The following SPATS2L variants were observed in gnomAD, a reference collection of about 807,000 sequenced individuals.
The protein encoded by SPATS2L is spermatogenesis associated serine rich 2 like, also known as SPATS2-like protein.
In SPATS2L, 30 loss-of-function variants were observed where a neutral mutation model predicts 59.6. The observed-to-expected ratio is 0.50, with a 90% CI of 0.38 to 0.68. The LOEUF is 0.68. Ranked by LOEUF, SPATS2L falls within the 30% of genes least tolerant of loss-of-function variation. The probability of loss-of-function intolerance (pLI) is 0.00; values close to 1 mark genes in which losing one functional copy is unlikely to be tolerated. For synonymous variants in SPATS2L, 252 were observed against 263.5 expected (o/e 0.96, Z 0.42); for missense variants, 615 against 700.0 (o/e 0.88, Z 1.37).
intron 10 of SPATS2L, among the ~76,000 whole-genome samples, chr2:200,467,848 T>A (rs1033184467): frequency 2.0e-5 from 3 of 152,202 alleles, no homozygotes; most frequent in African/African-American, 7.2e-5. Context: ...ATTTTCTAGT[T>A]TAGTTGCATT....
intron 1 of SPATS2L, chr2:200,308,753 A>G (rs888136271): frequency 5.2e-6 from 2 of 381,444 alleles, no homozygotes; most frequent in South Asian, 5.0e-5. Flanking sequence ...CTGGGAAAAG[A>G]CTGTATTAAT....
chr2:200,427,936 G>A (rs1188687229), intron 6 of SPATS2L, among the ~76,000 whole-genome samples: 1 of 152,090 alleles, frequency 6.6e-6, no homozygotes, highest in Admixed American at 6.5e-5. Flanking sequence ...GCTGAGCAGG[G>A]TAGCAAATGC....
At chr2:200,445,824 T>C (rs543703102) in intron 8 of SPATS2L, among the ~76,000 whole-genome samples, 1 of 144,694 alleles carries the variant, frequency 6.9e-6, no homozygotes, top group South Asian at 2.3e-4. Context: ...ATTCCTGGCT[T>C]TCCAAACAAT....
At chr2:200,312,722 C>T (rs922148789) in intron 1 of SPATS2L, among the ~76,000 whole-genome samples, 2 of 152,120 alleles carry the variant, frequency 1.3e-5, no homozygotes, top group Non-Finnish European at 2.9e-5. Context: ...AGGCAGTTTG[C>T]GGGCAGAAAC....
chr2:200,306,131 C>T (rs1344423863), upstream of SPATS2L: 15 of 990,256 alleles, frequency 1.5e-5, no homozygotes, highest in Non-Finnish European at 1.8e-5. Context: ...GACCCGAGCT[C>T]CAGCACTTTT....
At chr2:200,322,566 C>A (rs1052411383) in intron 1 of SPATS2L, among the ~76,000 whole-genome samples, 1 of 152,162 alleles carries the variant, frequency 6.6e-6, no homozygotes, top group Non-Finnish European at 1.5e-5. Context: ...GGTGAACTGA[C>A]AAGTTGTCTT....
At chr2:200,308,197 A>G (rs1242156596) in intron 1 of SPATS2L, among the ~76,000 whole-genome samples, 1 of 151,774 alleles carries the variant, frequency 6.6e-6, no homozygotes, top group Non-Finnish European at 1.5e-5. Flanking sequence ...TGTATGTAAT[A>G]TAGCAGGGAA....
At chr2:200,394,534 A>G (rs1004079358) in intron 3 of SPATS2L, among the ~76,000 whole-genome samples, 1 of 152,100 alleles carries the variant, frequency 6.6e-6, no homozygotes, top group Non-Finnish European at 1.5e-5. Context: ...TACTATTACT[A>G]TTCTTGGGTT....
At chr2:200,388,031 G>A (rs997628395) in intron 2 of SPATS2L, among the ~76,000 whole-genome samples, 2 of 152,096 alleles carry the variant, frequency 1.3e-5, no homozygotes, top group African/African-American at 4.8e-5. Flanking sequence ...TAAAGATTTT[G>A]AAGAAACAGA....
chr2:200,412,067 C>T (rs2082894936), intron 3 of SPATS2L, among the ~76,000 whole-genome samples: 2 of 152,006 alleles, frequency 1.3e-5, no homozygotes, highest in South Asian at 4.2e-4. Context: ...CACACATGCT[C>T]CTACACTCCT....
chr2:200,435,992 T>C (rs1435936397), intron 6 of SPATS2L, among the ~76,000 whole-genome samples: 1 of 152,166 alleles, frequency 6.6e-6, no homozygotes, highest in Non-Finnish European at 1.5e-5. Context: ...AACCTTCACA[T>C]TTCAGCATAT....
At chr2:200,358,020 C>A (rs913256857) in intron 2 of SPATS2L, among the ~76,000 whole-genome samples, 2 of 152,134 alleles carry the variant, frequency 1.3e-5, no homozygotes, top group African/African-American at 2.4e-5. Flanking sequence ...ACTTGCCAAA[C>A]ATTCCTGTTA....
chr2:200,452,724 A>C (rs2085546188), intron 8 of SPATS2L, among the ~76,000 whole-genome samples: 1 of 152,084 alleles, frequency 6.6e-6, no homozygotes, highest in Admixed American at 6.5e-5. Flanking sequence ...AGGCACCCCC[A>C]CTCTATTTCC....
chr2:200,327,851 C>T (rs1574405703), intron 1 of SPATS2L, among the ~76,000 whole-genome samples: 2 of 130,370 alleles, frequency 1.5e-5, no homozygotes, highest in South Asian at 2.9e-4. Flanking sequence ...TAGAAGCAGG[C>T]GTGTGCGGGC....
At chr2:200,428,150 T>A (rs1559123225) in intron 6 of SPATS2L, among the ~76,000 whole-genome samples, 1 of 152,222 alleles carries the variant, frequency 6.6e-6, no homozygotes, top group South Asian at 2.1e-4. Context: ...TTACCTTTAC[T>A]CCCTGTCTCC....
At chr2:200,416,546 C>T in intron 5 of SPATS2L, 118 bp downstream of exon 5, 1 of 437,896 alleles carries the variant, frequency 2.3e-6, no homozygotes, top group Non-Finnish European at 4.0e-6. Flanking sequence ...TATATACACC[C>T]AGAAAGCTTC....
intron 3 of SPATS2L, among the ~76,000 whole-genome samples, chr2:200,397,565 A>G (rs982867533): frequency 2.0e-5 from 3 of 151,998 alleles, no homozygotes; most frequent in African/African-American, 7.2e-5. Flanking sequence ...TTCTCTGTAA[A>G]TCATTGCTCC....
intron 8 of SPATS2L, among the ~76,000 whole-genome samples, chr2:200,445,726 T>G (rs978635960): frequency 6.6e-6 from 1 of 151,910 alleles, no homozygotes; most frequent in South Asian, 2.1e-4. Context: ...CCATCACTTT[T>G]GCAGATTTTT....
At chr2:200,407,336 A>G (rs952777318) in intron 3 of SPATS2L, among the ~76,000 whole-genome samples, 3 of 152,238 alleles carry the variant, frequency 2.0e-5, no homozygotes, top group African/African-American at 2.4e-5. Context: ...CGCTCCTTCC[A>G]TGACATTTGG....
Sources: gnomAD v4.1 joint callset for allele counts (sites outside exome capture counted in the v4.1 genomes callset) on GRCh38, gnomAD v4.1.1 for gene constraint, MANE v1.5 for transcripts, NCBI Gene and HGNC (gene_info 2026-07-23, HGNC 2026-07-21) for gene names.